Variants in CCDC152 observed in about 807,000 individuals in gnomAD.
CCDC152 encodes the protein coiled-coil domain containing 152, also known as coiled-coil domain-containing protein 152.
A neutral mutation model predicts 38.1 loss-of-function variants in CCDC152; 37 were observed. That is an observed-to-expected ratio of 0.97 (90% CI 0.75 to 1.28). The LOEUF is 1.28. Among genes scored for constraint, CCDC152 ranks in the 50% most tolerant of loss-of-function variants. The pLI is 0.00. For synonymous variants in CCDC152, 83 were observed against 87.1 expected (o/e 0.95, Z 0.26); for missense variants, 259 against 292.1 (o/e 0.89, Z 0.83).
chr5:42,787,568 G>C (rs774500645), intron 6 of CCDC152, among the ~76,000 whole-genome samples: 1 of 152,014 alleles, frequency 6.6e-6, no homozygotes, highest in African/African-American at 2.4e-5. Flanking sequence ...AAATCTGGGT[G>C]TTCCAGTGTT....
chr5:42,782,737 A>G (rs1759863061), intron 5 of CCDC152, among the ~76,000 whole-genome samples: 1 of 152,190 alleles, frequency 6.6e-6, no homozygotes, highest in African/African-American at 2.4e-5. Flanking sequence ...CACATATTTA[A>G]CATATATTTA....
rs148715002 is a variant in CCDC152 at position 42,763,319 on chromosome 5, G to A, written c.193+771G>A. On this transcript the variant is annotated intron_variant, in intron 3 of 8. Transcript: ENST00000361970. Reference sequence around the variant, plus strand: ...TAAATCCTTACTGATATAAATAAATGATTTAATAAATAAACAATTGGGGAA... The same window carrying A: ...TAAATCCTTACTGATATAAATAAATAATTTAATAAATAAACAATTGGGGAA... 4.2e-3 allele frequency among the ~76,000 whole-genome samples: 636 copies of A among 152,274 alleles called. 8 individuals carry two copies. Among genetic ancestry groups the A allele is most frequent in the African/African-American group, 0.013 (556 of 41,552 alleles).
chr5:42,762,987 C>T (rs181083934), intron 3 of CCDC152, among the ~76,000 whole-genome samples: 1 of 152,206 alleles, frequency 6.6e-6, no homozygotes, highest in Non-Finnish European at 1.5e-5. Flanking sequence ...AGCCTAGAGG[C>T]AATAATGCCC....
chr5:42,770,124 A>G (rs1759677681), intron 4 of CCDC152, among the ~76,000 whole-genome samples: 1 of 152,220 alleles, frequency 6.6e-6, no homozygotes, highest in Admixed American at 6.5e-5. Context: ...TGTAACAATC[A>G]TGTTAATCAA....
In CCDC152 at chr5:42,799,463, G is replaced by A. The variant is rs1760129692; in HGVS notation, c.642+5G>A. 3 of 1,504,384 alleles carry A rather than the reference G, an allele frequency of 2.0e-6. No individual in the cohort carries two copies. Among genetic ancestry groups the A allele is most frequent in the Non-Finnish European group, 2.7e-6 (3 of 1,114,152 alleles). The allele number at this position is 1,504,384 out of a possible 1,614,324, so 93.2% of individuals were successfully genotyped here. A position where few individuals can be genotyped will look rare whatever the true frequency, so the allele number is the denominator to read the frequency against. On this transcript the variant is annotated splice_donor_5th_base_variant and intron_variant, in intron 8 of 8. Coordinates refer to ENST00000361970, the MANE Select transcript of CCDC152 (RefSeq NM_001134848.2). ...CCACAAAGTATCTACAGAAGGGTAT[G>A]TGAGTTTTCCTCTCAGTATTTGTTG... is the stretch of plus-strand genomic sequence containing the variant.
chr5:42,770,512 C>A (rs1208926011), intron 4 of CCDC152, among the ~76,000 whole-genome samples: 2 of 150,956 alleles, frequency 1.3e-5, no homozygotes, highest in African/African-American at 4.9e-5. Context: ...TTTTTTTTAA[C>A]AGTGCTGTAC....
chr5:42,766,728 T>C (rs751209704), intron 3 of CCDC152, among the ~76,000 whole-genome samples: 8 of 151,824 alleles, frequency 5.3e-5, no homozygotes, highest in South Asian at 4.2e-4. Flanking sequence ...CTCATGGACA[T>C]AGAGAGTAGA....
At chr5:42,788,084 T>C (rs2111581089) in intron 6 of CCDC152, among the ~76,000 whole-genome samples, 1 of 152,344 alleles carries the variant, frequency 6.6e-6, no homozygotes, top group South Asian at 2.1e-4. Context: ...TGTCCTTTTG[T>C]TTCCATGTTT....
chr5:42,799,918 C>A lies in CCDC152; in HGVS notation c.*137C>A. ...TTTTATTGAATTTATTTGGACAAAT[C>A]CGTACTGTATCCAATTCTGTACTGC... is the stretch of plus-strand genomic sequence containing the variant. On this transcript the variant is annotated 3_prime_UTR_variant, in exon 9 of 9. Coordinates refer to ENST00000361970, the MANE Select transcript of CCDC152 (RefSeq NM_001134848.2). 7 of 950,736 alleles carry A rather than the reference C, an allele frequency of 7.4e-6. No homozygotes were observed. The highest frequency in any genetic ancestry group is 1.1e-5 in the Non-Finnish European group (7 of 635,612). The allele number at this position is 950,736 out of a possible 1,614,324, so 58.9% of individuals were successfully genotyped here. A position where few individuals can be genotyped will look rare whatever the true frequency, so the allele number is the denominator to read the frequency against.
intron 4 of CCDC152, among the ~76,000 whole-genome samples, chr5:42,775,888 A>G (rs1357529978): frequency 1.3e-5 from 2 of 151,248 alleles, no homozygotes; most frequent in Non-Finnish European, 3.0e-5. Context: ...TTGTAAATGT[A>G]TATTGCAAAT....
At chr5:42,758,335 T>G (rs1470569728) in intron 1 of CCDC152, among the ~76,000 whole-genome samples, 1 of 152,212 alleles carries the variant, frequency 6.6e-6, no homozygotes, top group East Asian at 1.9e-4. Flanking sequence ...TTTACTTACA[T>G]TTTACTTTGG....
intron 3 of CCDC152, among the ~76,000 whole-genome samples, chr5:42,764,011 CAG>C (rs940565943): frequency 3.9e-5 from 6 of 152,134 alleles, no homozygotes; most frequent in African/African-American, 1.2e-4. Context: ...AGTGAAAGTA[CAG>C]AGAGTTTCCG....
At chr5:42,793,353 G>A (rs944595936) in intron 6 of CCDC152, among the ~76,000 whole-genome samples, 2 of 152,132 alleles carry the variant, frequency 1.3e-5, no homozygotes, top group African/African-American at 2.4e-5. Context: ...CCTGATCGTG[G>A]TGATGGTTAG....
chr5:42,788,385 A>G (rs1759951292), intron 6 of CCDC152, among the ~76,000 whole-genome samples: 1 of 152,026 alleles, frequency 6.6e-6, no homozygotes, highest in Non-Finnish European at 1.5e-5. Flanking sequence ...CAAATTACCT[A>G]TAAATGAAAT....
Position 42,801,638 on chromosome 5 carries a change from C to T in CCDC152, c.*1857C>T, listed in dbSNP as rs1055330997. Reference sequence around the variant, plus strand: ...AATCCTAAATTCAGTTGATCTGGGCCGAGCATGGTGGCTCATGCCTGTAAT... The same window carrying T: ...AATCCTAAATTCAGTTGATCTGGGCTGAGCATGGTGGCTCATGCCTGTAAT... On this transcript the variant is annotated 3_prime_UTR_variant, in exon 9 of 9. Transcript: ENST00000361970. 10 of 379,270 alleles carry T rather than the reference C, an allele frequency of 2.6e-5. No homozygotes were observed. The highest frequency in any genetic ancestry group is 6.8e-4 in the Middle Eastern group (1 of 1,464). 23.5% of individuals were successfully genotyped at this position (379,270 alleles called of 1,614,324 possible).
intron 5 of CCDC152, among the ~76,000 whole-genome samples, chr5:42,782,290 A>G (rs1285527505): frequency 6.6e-6 from 1 of 152,232 alleles, no homozygotes; most frequent in African/African-American, 2.4e-5. Context: ...TGTTGGCTCT[A>G]ATGTATAGTT....
chr5:42,792,705 C>A (rs1017329850), intron 6 of CCDC152, among the ~76,000 whole-genome samples: 7 of 152,174 alleles, frequency 4.6e-5, no homozygotes, highest in Non-Finnish European at 1.0e-4. Flanking sequence ...TAGTTCAGGT[C>A]CTTAAAGGAG....
At chr5:42,798,931 G>T (rs230813) in intron 7 of CCDC152, among the ~76,000 whole-genome samples, 2 of 151,970 alleles carry the variant, frequency 1.3e-5, no homozygotes, top group Admixed American at 6.5e-5. Context: ...CAGAAAGCTA[G>T]GTGAGGTTTT....
At chr5:42,793,244 A>T (rs1424495256) in intron 6 of CCDC152, among the ~76,000 whole-genome samples, 1 of 152,224 alleles carries the variant, frequency 6.6e-6, no homozygotes, top group Non-Finnish European at 1.5e-5. Flanking sequence ...AATGAAAATT[A>T]TGGTGACGAA....
Sources: allele counts gnomAD v4.1 joint callset (sites outside exome capture counted in the v4.1 genomes callset), GRCh38; gene constraint gnomAD v4.1.1; transcripts MANE v1.5; gene names NCBI Gene and HGNC (gene_info 2026-07-23, HGNC 2026-07-21).